GPC6: variants seen among roughly 807,000 people sequenced by gnomAD.
The protein encoded by GPC6 is glypican-6.
In GPC6, 14 loss-of-function variants were observed where a neutral mutation model predicts 55.2. The ratio of observed to expected loss-of-function variants is 0.25; its 90% CI spans 0.17 to 0.40. GPC6 has a LOEUF of 0.40. Among genes scored for constraint, GPC6 ranks in the 10% least tolerant of loss-of-function variants. The probability of loss-of-function intolerance (pLI) is 1.00; values close to 1 mark genes in which losing one functional copy is unlikely to be tolerated. For synonymous variants in GPC6, 278 were observed against 259.6 expected, an observed-to-expected ratio of 1.07 and a Z score of -0.68; for missense variants, 641 against 708.5, an observed-to-expected ratio of 0.90 and a Z score of 1.08.
chr13:94,385,348 A>G (rs992658809), intron 7 of GPC6, among the ~76,000 whole-genome samples: 1 of 152,188 alleles, frequency 6.6e-6, no homozygotes, highest in African/African-American at 2.4e-5. Flanking sequence ...CTGCAGGTTT[A>G]GGAACGGACC....
intron 4 of GPC6, among the ~76,000 whole-genome samples, chr13:94,276,843 TG>T (rs1448011609): frequency 6.6e-6 from 1 of 152,228 alleles, no homozygotes; most frequent in African/African-American, 2.4e-5. Flanking sequence ...CTATCACTGA[TG>T]GGCATTTGGG....
intron 2 of GPC6, among the ~76,000 whole-genome samples, chr13:93,741,101 G>T (rs952214476): frequency 1.4e-5 from 2 of 145,738 alleles, no homozygotes; most frequent in African/African-American, 5.0e-5. Context: ...GTAGTATACC[G>T]ATACCCATCC....
At chr13:93,832,012 C>G (rs143413886) in intron 3 of GPC6, among the ~76,000 whole-genome samples, 4,661 of 135,426 alleles carry the variant, frequency 0.034, 257 homozygotes, top group African/African-American at 0.12. Context: ...ATGGCATGAA[C>G]CTGGGAGGCG....
chr13:93,550,321 A>C (rs1319376271), intron 2 of GPC6, among the ~76,000 whole-genome samples: 1 of 152,086 alleles, frequency 6.6e-6, no homozygotes, highest in African/African-American at 2.4e-5. Context: ...ATTTGAGCTG[A>C]AATATATTCA....
chr13:93,347,131 T>C (rs1282615289), intron 1 of GPC6, among the ~76,000 whole-genome samples: 1 of 152,164 alleles, frequency 6.6e-6, no homozygotes, highest in Non-Finnish European at 1.5e-5. Context: ...AGCATCAAAC[T>C]GAACCAAGTA....
intron 1 of GPC6, among the ~76,000 whole-genome samples, chr13:93,311,361 G>A (rs1879061230): frequency 6.6e-6 from 1 of 152,088 alleles, no homozygotes. Context: ...AATATAGCTG[G>A]CATTCAGTTT....
At chr13:93,881,359 G>C (rs1388588620) in intron 3 of GPC6, among the ~76,000 whole-genome samples, 1 of 152,120 alleles carries the variant, frequency 6.6e-6, no homozygotes, top group Non-Finnish European at 1.5e-5. Context: ...GACGTAATGA[G>C]TAGCCTTCTT....
At chr13:93,558,131 T>C (rs1253505903) in intron 2 of GPC6, among the ~76,000 whole-genome samples, 1 of 152,166 alleles carries the variant, frequency 6.6e-6, no homozygotes, top group Non-Finnish European at 1.5e-5. Context: ...TTTCTTAAAC[T>C]CTCTGGGAAA....
chr13:94,378,721 C>T (rs1349585558), intron 6 of GPC6, among the ~76,000 whole-genome samples: 1 of 152,154 alleles, frequency 6.6e-6, no homozygotes, highest in African/African-American at 2.4e-5. Flanking sequence ...TGTTGTTTAA[C>T]TTCCAGAATC....
At chr13:94,002,013 T>C (rs1481138506) in intron 3 of GPC6, among the ~76,000 whole-genome samples, 1 of 152,052 alleles carries the variant, frequency 6.6e-6, no homozygotes, top group Non-Finnish European at 1.5e-5. Flanking sequence ...GTTAAAGTTA[T>C]GCTCCTACCC....
intron 1 of GPC6, among the ~76,000 whole-genome samples, chr13:93,285,237 A>G (rs1046862680): frequency 3.3e-5 from 5 of 152,226 alleles, no homozygotes; most frequent in Admixed American, 6.5e-5. Context: ...GGAAAGTACA[A>G]ATTAGTGGTA....
At chr13:93,812,118 C>T (rs573012127) in intron 2 of GPC6, among the ~76,000 whole-genome samples, 175 of 127,972 alleles carry the variant, frequency 1.4e-3, no homozygotes, top group African/African-American at 5.2e-3. Flanking sequence ...CCTGTAATCC[C>T]AGCACTTTGG....
rs189420618 is a variant in GPC6 at position 93,563,603 on chromosome 13, C to T, written c.319+18182C>T. The stretch of plus-strand genomic sequence containing the variant: ...AAGATGAGATCTCAGACACAATAAA[C>T]GAGACAGGACCAACTGGAACTGGCA... On this transcript the variant is annotated intron_variant, in intron 2 of 8. Coordinates refer to ENST00000377047, the MANE Select transcript of GPC6 (RefSeq NM_005708.5). Among the ~76,000 whole-genome samples the T allele has an allele frequency of 1.2e-3, 187 of 152,032 alleles. 1 individual carries two copies. The highest frequency in any genetic ancestry group is 2.5e-4 in the Non-Finnish European group (17 of 67,988).
intron 1 of GPC6, among the ~76,000 whole-genome samples, chr13:93,431,229 A>G (rs1028697052): frequency 6.6e-6 from 1 of 152,100 alleles, no homozygotes; most frequent in Non-Finnish European, 1.5e-5. Flanking sequence ...TGAAGCATTT[A>G]TGTTGACCTG....
At chr13:93,615,698 T>C (rs1029163125) in intron 2 of GPC6, among the ~76,000 whole-genome samples, 5 of 152,104 alleles carry the variant, frequency 3.3e-5, no homozygotes, top group Non-Finnish European at 7.4e-5. Context: ...TTACAAGATG[T>C]GTTGTATGAG....
intron 1 of GPC6, among the ~76,000 whole-genome samples, chr13:93,316,835 C>T (rs547539269): frequency 6.6e-6 from 1 of 152,162 alleles, no homozygotes; most frequent in South Asian, 2.1e-4. Flanking sequence ...ATGTTTGTTT[C>T]ATTGCTCAGC....
chr13:94,004,099 A>G (rs923089959), intron 3 of GPC6, among the ~76,000 whole-genome samples: 3 of 152,148 alleles, frequency 2.0e-5, no homozygotes, highest in African/African-American at 7.2e-5. Context: ...TCATTCCAGT[A>G]CTTTCATAGA....
At chr13:93,720,637 A>C (rs939485804) in intron 2 of GPC6, among the ~76,000 whole-genome samples, 5 of 151,856 alleles carry the variant, frequency 3.3e-5, no homozygotes, top group African/African-American at 1.2e-4. Flanking sequence ...TTGCTTCTCT[A>C]GTTCTTTTAA....
intron 6 of GPC6, among the ~76,000 whole-genome samples, chr13:94,318,827 A>G (rs900511532): frequency 6.6e-6 from 1 of 152,164 alleles, no homozygotes; most frequent in Non-Finnish European, 1.5e-5. Flanking sequence ...CTTTATCAGT[A>G]TATATAGTGA....
Sources: gnomAD v4.1 joint callset for allele counts (sites outside exome capture counted in the v4.1 genomes callset) on GRCh38, gnomAD v4.1.1 for gene constraint, MANE v1.5 for transcripts, NCBI Gene and HGNC (gene_info 2026-07-23, HGNC 2026-07-21) for gene names.